Variants in CYP4F22 observed in about 807,000 individuals in gnomAD.
The protein encoded by CYP4F22 is cytochrome P450 family 4 subfamily F member 22, also known as ultra-long-chain fatty acid omega-hydroxylase.
A neutral mutation model predicts 60.4 loss-of-function variants in CYP4F22; 37 were observed. The observed-to-expected ratio is 0.61, with a 90% CI of 0.47 to 0.81. The LOEUF (loss-of-function observed/expected upper bound fraction) is 0.81, where lower values mean the gene tolerates loss of function less well. Among genes scored for constraint, CYP4F22 ranks in the 30% least tolerant of loss-of-function variants. CYP4F22 has a pLI of 0.00. For synonymous variants in CYP4F22, 258 were observed against 280.5 expected, an observed-to-expected ratio of 0.92 and a Z score of 0.80; for missense variants, 655 against 715.0, an observed-to-expected ratio of 0.92 and a Z score of 0.96.
chr19:15,537,050 GC>G (rs1397142852), intron 4 of CYP4F22, among the ~76,000 whole-genome samples: 1 of 152,196 alleles, frequency 6.6e-6, no homozygotes, highest in Non-Finnish European at 1.5e-5. Flanking sequence ...TGTAATCCCA[GC>G]ACTTTGGGAG....
intron 4 of CYP4F22, among the ~76,000 whole-genome samples, chr19:15,532,789 C>A (rs1335449279): frequency 6.6e-6 from 1 of 152,146 alleles, no homozygotes; most frequent in Non-Finnish European, 1.5e-5. Context: ...GAGTAGTGCC[C>A]CAGCAGGGGC....
intron 1 of CYP4F22, among the ~76,000 whole-genome samples, chr19:15,511,139 T>G (rs551666466): frequency 6.6e-6 from 1 of 151,010 alleles, no homozygotes; most frequent in South Asian, 2.1e-4. Context: ...GCTAATTTTG[T>G]ATTTTTAGTA....
At chr19:15,518,730 A>C (rs1209460064) in intron 1 of CYP4F22, among the ~76,000 whole-genome samples, 1 of 151,376 alleles carries the variant, frequency 6.6e-6, no homozygotes, top group Admixed American at 6.6e-5. Flanking sequence ...AAAGAGTCTA[A>C]ATTTCATTTA....
At position 15,551,279 on chromosome 19, in the gene CYP4F22, C is replaced by G. The variant is rs752161673; in HGVS notation, c.1419-15C>G. 6.2e-7 allele frequency: 1 copy of G among 1,608,504 alleles called. No homozygotes were observed. Among genetic ancestry groups the G allele is most frequent in the Admixed American group, 1.7e-5 (1 of 59,432 alleles). ...CACAGAAGCTGGGCCTGAGCCCTGT[C>G]CCCTCTTCCTCCAGGAATTGCATCG... is the stretch of plus-strand genomic sequence containing the variant. On this transcript the variant is annotated splice_polypyrimidine_tract_variant and intron_variant, in intron 13 of 13. Coordinates refer to ENST00000269703, the MANE Select transcript of CYP4F22 (RefSeq NM_173483.4).
At chr19:15,541,422 A>T (rs1417436384) in intron 8 of CYP4F22, among the ~76,000 whole-genome samples, 1 of 151,844 alleles carries the variant, frequency 6.6e-6, no homozygotes, top group Admixed American at 6.6e-5. Context: ...TTGTATAAGG[A>T]TTAGGGCCCT....
At chr19:15,524,326 G>C (rs1001134372) in intron 2 of CYP4F22, among the ~76,000 whole-genome samples, 9 of 152,176 alleles carry the variant, frequency 5.9e-5, no homozygotes, top group African/African-American at 2.2e-4. Context: ...CTACTAACAG[G>C]GATGGGGTTT....
At chr19:15,524,884 G>C (rs948150261) in intron 2 of CYP4F22, among the ~76,000 whole-genome samples, 3 of 152,170 alleles carry the variant, frequency 2.0e-5, no homozygotes, top group Non-Finnish European at 4.4e-5. Context: ...GGCCAATAGG[G>C]AGTTTCCACT....
intron 3 of CYP4F22, among the ~76,000 whole-genome samples, chr19:15,526,157 C>T (rs570026037): frequency 2.0e-5 from 3 of 151,950 alleles, no homozygotes; most frequent in African/African-American, 7.2e-5. Context: ...CTAGGGAGAC[C>T]CTGTCTCTCT....
chr19:15,529,647 G>A, intron 3 of CYP4F22, 62 bp from the exon 4 acceptor site: 7 of 1,604,984 alleles, frequency 4.4e-6, no homozygotes, highest in Non-Finnish European at 6.0e-6. Flanking sequence ...GTGGCAGGAG[G>A]AAGGCAGTGG....
intron 4 of CYP4F22, among the ~76,000 whole-genome samples, chr19:15,530,627 G>T (rs894796602): frequency 3.3e-5 from 5 of 152,210 alleles, no homozygotes; most frequent in East Asian, 1.9e-4. Context: ...GGGCTGGGGA[G>T]GCCTCAGAAA....
intron 7 of CYP4F22, 150 bp from the exon 8 acceptor site, chr19:15,540,300 A>G: frequency 1.0e-6 from 1 of 973,072 alleles, no homozygotes; most frequent in South Asian, 1.6e-5. Context: ...CCTATCTAAA[A>G]AAATAAATAA....
chr19:15,524,264 A>G (rs1407427721), intron 2 of CYP4F22, among the ~76,000 whole-genome samples: 4 of 152,220 alleles, frequency 2.6e-5, no homozygotes, highest in African/African-American at 7.2e-5. Context: ...CCATAGAGAC[A>G]GAAAGCAGAT....
chr19:15,522,745 C>T (rs184580944), intron 1 of CYP4F22, among the ~76,000 whole-genome samples: 1 of 152,242 alleles, frequency 6.6e-6, no homozygotes, highest in East Asian at 1.9e-4. Context: ...GAGTCTCACT[C>T]TATCGCCCAG....
intron 3 of CYP4F22, among the ~76,000 whole-genome samples, chr19:15,528,296 A>G (rs1971304682): frequency 6.6e-6 from 1 of 152,276 alleles, no homozygotes; most frequent in East Asian, 1.9e-4. Context: ...TTACAAAAAA[A>G]TTAAAAATTA....
At chr19:15,524,700 AAGAG>A (rs966373371) in intron 2 of CYP4F22, among the ~76,000 whole-genome samples, 2 of 147,034 alleles carry the variant, frequency 1.4e-5, no homozygotes, top group East Asian at 3.9e-4. Context: ...GAAAGAAAGA[AAGAG>A]AGAGAGAAAG....
At chr19:15,518,560 A>G (rs1367180222) in intron 1 of CYP4F22, among the ~76,000 whole-genome samples, 1 of 150,128 alleles carries the variant, frequency 6.7e-6, no homozygotes, top group African/African-American at 2.5e-5. Flanking sequence ...GAGGCAGGAG[A>G]ATAGTGTGAA....
intron 1 of CYP4F22, among the ~76,000 whole-genome samples, chr19:15,518,496 A>AT (rs111240789): frequency 3.4e-5 from 5 of 148,354 alleles, no homozygotes; most frequent in African/African-American, 1.0e-4. Flanking sequence ...AAAAAAAAAA[A>AT]AAATTACCTG....
chr19:15,548,337 A>G, intron 11 of CYP4F22, 96 bp downstream of exon 11: 1 of 1,561,882 alleles, frequency 6.4e-7, no homozygotes, highest in East Asian at 2.2e-5. Context: ...CCCCAGGTGC[A>G]CTATCCCTGC....
chr19:15,510,283 A>G (rs952721925), intron 1 of CYP4F22, among the ~76,000 whole-genome samples: 2 of 152,200 alleles, frequency 1.3e-5, no homozygotes, highest in Middle Eastern at 3.4e-3. Flanking sequence ...CGCCTGACTC[A>G]TCTCTCCTTG....
Sources: allele counts gnomAD v4.1 joint callset (sites outside exome capture counted in the v4.1 genomes callset), GRCh38; gene constraint gnomAD v4.1.1; transcripts MANE v1.5; gene names NCBI Gene and HGNC (gene_info 2026-07-23, HGNC 2026-07-21).